The following BCL6 variants were observed in gnomAD, a reference collection of about 807,000 sequenced individuals.
BCL6 encodes the protein B-cell lymphoma 6 protein.
BCL6 carries 7 observed loss-of-function variants against 59.5 expected under a neutral mutation model. The ratio of observed to expected loss-of-function variants is 0.12; its 90% confidence interval spans 0.07 to 0.22. The LOEUF (loss-of-function observed/expected upper bound fraction) is 0.22. Ranked by LOEUF, BCL6 falls within the 10% of genes least tolerant of loss-of-function variation. The pLI, the probability that BCL6 is intolerant of heterozygous loss-of-function variation, is 1.00. For missense variants in BCL6, 685 were observed against 939.4 expected (o/e 0.73, Z 3.54); for synonymous variants, 339 against 349.7 (o/e 0.97, Z 0.34).
rs200887028 is a variant in BCL6, at chr3:187,722,502, C to T, written c.2077G>A (p.Val693Met). The T allele has an allele frequency of 4.1e-5, 66 of 1,613,846 alleles. No individual in the cohort carries two copies. Among genetic ancestry groups the T allele is most frequent in the Middle Eastern group, 3.4e-4 (2 of 5,910 alleles). Residue 693 changes from valine to methionine, a missense_variant, in exon 10 of 10, where the codon GTG becomes ATG. Val to Met is a conservative substitution (Grantham distance 21). Around this residue, in one of 7 missense-constraint regions of BCL6, gnomAD observed 38 missense variants for 97.9 expected, o/e 0.39. Transcript: ENST00000406870. ...TCCGGAGGCAGGTCAGTGGCTGACA[C>T]GCGGTATTGCACCTTGGTGTTGGTG... ...AITNTKVQYR[V>M]SATDLPPELP...
intron 1 of BCL6, among the ~76,000 whole-genome samples, chr3:187,744,211 G>A (rs537785649): frequency 8.5e-5 from 13 of 152,280 alleles, no homozygotes; most frequent in African/African-American, 2.9e-4. Flanking sequence ...TACAAACACC[G>A]CAGCGGCCAG....
At chr3:187,744,847 A>T (rs530598140) in intron 1 of BCL6, among the ~76,000 whole-genome samples, 3 of 152,194 alleles carry the variant, frequency 2.0e-5, no homozygotes, top group Admixed American at 6.5e-5. Context: ...AAAAGAGGGA[A>T]AAAACACAGC....
At chr3:187,739,084 C>A (rs896823873) in intron 1 of BCL6, among the ~76,000 whole-genome samples, 1 of 152,142 alleles carries the variant, frequency 6.6e-6, no homozygotes, top group Admixed American at 6.5e-5. Flanking sequence ...GCCAGAGCCT[C>A]CCGATTTGGA....
Position 187,727,692 on chromosome 3 carries a change from C to A in BCL6, c.1540+668G>T, listed in dbSNP as rs1164234429. 2.6e-5 allele frequency among the ~76,000 whole-genome samples: 4 copies of A among 151,992 alleles called. No individual in the cohort carries two copies. The East Asian group carries it at 7.7e-4, about 29-fold the overall frequency. On this transcript the variant is annotated intron_variant, in intron 6 of 9. Transcript: ENST00000406870. ...GTGCCAAATCTCTTGGTGTAAGCAG[C>A]TGATTTATTTTTTCATTTGTTGTAA...
rs1361169677 is a variant in BCL6 at position 187,739,499 on chromosome 3, C to T, written c.-49-4592G>A. On this transcript the variant is annotated intron_variant, in intron 1 of 9. Transcript: ENST00000406870. ...AGCGAATTTGATAACGCGATGGCCT[C>T]GACAGCCGCTTTGGATAACCGAGGT... Among the ~76,000 whole-genome samples the T allele has an allele frequency of 2.6e-5, 4 of 152,320 alleles. No homozygotes were observed. The South Asian group carries it at 8.3e-4, about 32-fold the overall frequency.
At chr3:187,727,003 C>T (rs1718739691) in intron 6 of BCL6, 105 bp from the exon 7 acceptor site, 1 of 1,303,118 alleles carries the variant, frequency 7.7e-7, no homozygotes, top group Non-Finnish European at 1.1e-6. Context: ...ACTGAACTCT[C>T]AGTCCCTCAC....
intron 1 of BCL6, among the ~76,000 whole-genome samples, chr3:187,742,620 T>C (rs1400941753): frequency 6.6e-6 from 1 of 151,692 alleles, no homozygotes; most frequent in Non-Finnish European, 1.5e-5. Flanking sequence ...CCAAATAGGA[T>C]ACTGGAAACT....
chr3:187,736,918 T>C (rs1281654177), intron 1 of BCL6: 1 of 152,180 alleles, frequency 6.6e-6, no homozygotes, highest in East Asian at 1.9e-4. Context: ...ACAGCCCTGC[T>C]TTATTAGGGA....
At chr3:187,728,947 A>G (rs1264388714) in intron 5 of BCL6, 103 bp downstream of exon 5, 13 of 1,429,110 alleles carry the variant, frequency 9.1e-6, no homozygotes, top group Non-Finnish European at 8.4e-6. Flanking sequence ...CACTGATTCC[A>G]CACCTCTAAT....
At chr3:187,742,051 C>G (rs1404268524) in intron 1 of BCL6, among the ~76,000 whole-genome samples, 1 of 152,088 alleles carries the variant, frequency 6.6e-6, no homozygotes, top group Non-Finnish European at 1.5e-5. Flanking sequence ...TTTTTCTTCC[C>G]TACTTGATAA....
chr3:187,743,419 A>AC (rs1711692161), intron 1 of BCL6, among the ~76,000 whole-genome samples: 1 of 151,934 alleles, frequency 6.6e-6, no homozygotes, highest in South Asian at 2.1e-4. Context: ...GACTTTCAGC[A>AC]CCTGGTTTGG....
intron 9 of BCL6, among the ~76,000 whole-genome samples, chr3:187,723,893 T>C (rs1442277988): frequency 1.3e-5 from 2 of 152,254 alleles, no homozygotes; most frequent in Non-Finnish European, 2.9e-5. Flanking sequence ...TTACTATTAC[T>C]ATGTGCATGT....
At chr3:187,734,143 T>C (rs1429207673) in intron 2 of BCL6, among the ~76,000 whole-genome samples, 2 of 152,126 alleles carry the variant, frequency 1.3e-5, no homozygotes, top group African/African-American at 2.4e-5. Context: ...CAGGTTCAAG[T>C]GATTCTCCTG....
In BCL6 at chr3:187,725,521, G is replaced by C; in HGVS notation, c.1817C>G (p.Thr606Ser). The change falls in exon 8 of 10, where the codon ACC (threonine) becomes AGC (serine). Residue 606 changes from threonine (T) to serine (S), a missense_variant. Thr to Ser is a moderately conservative substitution (Grantham distance 58, BLOSUM62 1). This residue lies in a region of BCL6 where 42 missense variants were observed against 101.7 expected (regional missense o/e 0.41). Coordinates refer to ENST00000406870, the MANE Select transcript of BCL6 (RefSeq NM_001706.5). The surrounding 1 kb of genome is among the most constrained non-coding windows in gnomAD (Gnocchi z 4.7). ...HSGEKPYKCE[T>S]CGARFVQVAH... ...CACCTGTACAAATCTGGCTCCGCAG[G>C]TTTCGCATTTGTAGGGCTTCTCTCC... is the stretch of plus-strand genomic sequence containing the variant. The C allele has an allele frequency of 6.2e-7, 1 of 1,614,180 alleles. No individual in the cohort carries two copies. Among genetic ancestry groups the C allele is most frequent in the South Asian group, 1.1e-5 (1 of 91,086 alleles).
chr3:187,738,327 G>A (rs1282711860), intron 1 of BCL6, among the ~76,000 whole-genome samples: 1 of 152,208 alleles, frequency 6.6e-6, no homozygotes, highest in Non-Finnish European at 1.5e-5. Context: ...TAGGGGCTGA[G>A]GGTCTCCATC....
rs112580064 is a variant in BCL6 at position 187,743,447 on chromosome 3, A to G, written c.-50+1963T>C. 4.1e-3 allele frequency among the ~76,000 whole-genome samples: 621 copies of G among 152,116 alleles called. 7 individuals are homozygous for G. Among genetic ancestry groups the G allele is most frequent in the African/African-American group, 0.014 (599 of 41,480 alleles). On this transcript the variant is annotated intron_variant, in intron 1 of 9. Coordinates refer to ENST00000406870, the MANE Select transcript of BCL6 (RefSeq NM_001706.5). ...TGGTTTGGGGTCATTTATCTGCTCAACTGTCAGGACCCCCCACCCCCAAAC... is the reference window on the plus strand; with the variant it reads ...TGGTTTGGGGTCATTTATCTGCTCAGCTGTCAGGACCCCCCACCCCCAAAC...
At chr3:187,724,504 T>C (rs979538199) in intron 9 of BCL6, 3 of 155,750 alleles carry the variant, frequency 1.9e-5, no homozygotes, top group African/African-American at 4.8e-5. Flanking sequence ...TCTTATAACA[T>C]TCTTTTTGTT....
Position 187,733,524 on chromosome 3 carries a change from A to T in BCL6, c.161+9T>A. The stretch of plus-strand genomic sequence containing the variant: ...TGACTTACCCACCCTTTCCTTTCAG[A>T]TCCCTCACCTGCAGGCCATGAGGAC... On this transcript the variant is annotated intron_variant, in intron 3 of 9. Coordinates refer to ENST00000406870, the MANE Select transcript of BCL6 (RefSeq NM_001706.5). The T allele has an allele frequency of 6.2e-7, 1 of 1,611,390 alleles. No homozygotes were observed. Among genetic ancestry groups the T allele is most frequent in the South Asian group, 1.1e-5 (1 of 91,016 alleles).
intron 4 of BCL6, 84 bp downstream of exon 4, chr3:187,731,625 T>C (rs1719046565): frequency 3.7e-6 from 5 of 1,355,430 alleles, no homozygotes; most frequent in Non-Finnish European, 5.2e-6. Context: ...AGGAGTATTT[T>C]TTCTGTATGC....
Sources: gnomAD v4.1 joint callset for allele counts (sites outside exome capture counted in the v4.1 genomes callset) on GRCh38, gnomAD v4.1.1 for gene constraint, gnomAD v4.1.1 regional missense constraint, Gnocchi (gnomAD v3.1) non-coding constraint, MANE v1.5 for transcripts, NCBI Gene and HGNC (gene_info 2026-07-23, HGNC 2026-07-21) for gene names.